The following NBAS variants were observed in gnomAD, a reference collection of about 807,000 sequenced individuals.
The protein encoded by NBAS is NAG/BC035112 fusion.
A neutral mutation model predicts 302.5 loss-of-function variants in NBAS; 219 were observed. That is an observed-to-expected ratio of 0.72 (90% CI 0.65 to 0.81). The LOEUF (loss-of-function observed/expected upper bound fraction) is 0.81, where lower values mean the gene tolerates loss of function less well. Ranked by LOEUF, NBAS falls within the 30% of genes least tolerant of loss-of-function variation. The pLI, the probability that NBAS is intolerant of heterozygous loss-of-function variation, is 0.00. For missense variants in NBAS, 2,932 were observed against 2,841.6 expected (o/e 1.03, Z -0.72); for synonymous variants, 1,118 against 1,021.6 (o/e 1.09, Z -1.80).
At chr2:15,075,732 G>A in the NBAS span, among the ~76,000 whole-genome samples, 3 of 151,056 alleles carry the variant, frequency 2.0e-5, no homozygotes, top group Non-Finnish European at 4.4e-5. Flanking sequence ...GTAGTATGAT[G>A]CCATTTATGT....
At chr2:15,004,498 G>A in the NBAS span, among the ~76,000 whole-genome samples, 1 of 152,170 alleles carries the variant, frequency 6.6e-6, no homozygotes, top group South Asian at 2.1e-4. Context: ...GGTGAGTGAG[G>A]AAAGAGTTAC....
intron 40 of NBAS, among the ~76,000 whole-genome samples, chr2:15,300,244 T>C (rs1670736853): frequency 1.3e-5 from 2 of 152,148 alleles, no homozygotes; most frequent in South Asian, 2.1e-4. Flanking sequence ...AAAGAGAAAA[T>C]GTGAAAAGAC....
At chr2:15,042,525 T>G in the NBAS span, among the ~76,000 whole-genome samples, 1 of 152,208 alleles carries the variant, frequency 6.6e-6, no homozygotes, top group African/African-American at 2.4e-5. Flanking sequence ...ACCAAGGGCT[T>G]AGGTAGAAAT....
chr2:15,461,294 C>T lies in NBAS; in HGVS notation c.2246G>A (p.Gly749Asp), dbSNP rs544578792. The T allele has an allele frequency of 1.2e-6, 2 of 1,613,084 alleles. No homozygotes were observed. The highest frequency in any genetic ancestry group is 3.3e-5 in the Admixed American group (2 of 59,990). Reference sequence around the variant, plus strand: ...AAGGCGATGAGGAAGCAGGTCGGAACCATGGTAAGTAAACAGAATTTCCAG... The same window carrying T: ...AAGGCGATGAGGAAGCAGGTCGGAATCATGGTAAGTAAACAGAATTTCCAG... ...QALEILFTYH[G>D]SDLLPHRLAI... The change falls in exon 21 of 52, where the codon GGT becomes GAT. Residue 749 changes from glycine to aspartate, a missense_variant. Gly to Asp is a moderately conservative substitution (Grantham distance 94). Transcript: ENST00000281513.
chr2:15,538,399 T>C (rs976230148), intron 7 of NBAS: 8 of 422,896 alleles, frequency 1.9e-5, no homozygotes, highest in African/African-American at 1.2e-4. Flanking sequence ...ATTATCTATA[T>C]CATTGGTTTT....
the NBAS span, among the ~76,000 whole-genome samples, chr2:15,002,775 C>A: frequency 1.3e-5 from 2 of 152,218 alleles, no homozygotes; most frequent in African/African-American, 2.4e-5. Context: ...GCTGCTGGGC[C>A]GGGTGCTAAG....
chr2:15,146,263 A>G, the NBAS span, among the ~76,000 whole-genome samples: 1 of 152,108 alleles, frequency 6.6e-6, no homozygotes, highest in Non-Finnish European at 1.5e-5. Flanking sequence ...TAAATAGACT[A>G]TGGTGTTTAA....
intron 11 of NBAS, among the ~76,000 whole-genome samples, chr2:15,501,214 T>A (rs1324441829): frequency 1.3e-5 from 2 of 151,034 alleles, no homozygotes; most frequent in Non-Finnish European, 2.9e-5. Flanking sequence ...GACAGGAGAA[T>A]GGTGTGAACC....
chr2:14,787,019 A>C, the NBAS span, among the ~76,000 whole-genome samples: 1 of 152,172 alleles, frequency 6.6e-6, no homozygotes, highest in African/African-American at 2.4e-5. Flanking sequence ...TATTGGGTGC[A>C]TATATATTTA....
At chr2:14,966,126 G>A in the NBAS span, among the ~76,000 whole-genome samples, 4 of 152,178 alleles carry the variant, frequency 2.6e-5, no homozygotes, top group African/African-American at 9.7e-5. Context: ...GAAGAGACAA[G>A]GAAGGATAAG....
chr2:14,811,878 A>G, the NBAS span, among the ~76,000 whole-genome samples: 83 of 152,342 alleles, frequency 5.4e-4, no homozygotes, highest in South Asian at 1.4e-3. Flanking sequence ...GTTAGGAAAA[A>G]GAATAAACAA....
At chr2:14,955,502 A>G in the NBAS span, among the ~76,000 whole-genome samples, 124 of 151,860 alleles carry the variant, frequency 8.2e-4, no homozygotes, top group Admixed American at 1.9e-3. Context: ...TCCCTTCCAC[A>G]CTGCCCTAGC....
chr2:15,220,727 C>G (rs867486631), intron 47 of NBAS, among the ~76,000 whole-genome samples: 19 of 152,196 alleles, frequency 1.2e-4, no homozygotes, highest in Non-Finnish European at 1.3e-4. Flanking sequence ...GAGATCCATG[C>G]TAAAGCACTG....
intron 44 of NBAS, among the ~76,000 whole-genome samples, chr2:15,245,337 G>A (rs1244122740): frequency 6.6e-6 from 1 of 151,872 alleles, no homozygotes; most frequent in East Asian, 1.9e-4. Flanking sequence ...CACAGTCATC[G>A]GTCTCTCTAC....
intron 29 of NBAS, 29 bp from the exon 30 acceptor site, chr2:15,379,860 T>C (rs767333060): frequency 1.3e-6 from 2 of 1,590,418 alleles, no homozygotes; most frequent in Non-Finnish European, 1.7e-6. Flanking sequence ...TGGAATTAGT[T>C]ATAGAGAGGG....
rs1275825337 is a variant in NBAS at position 15,539,352 on chromosome 2, C to T, written c.384G>A (p.Pro128=). ...GTCTCCACTGGGGTTTCGGGTCTTTCGGAACTAGAACAAAAGAAAACAAGA... is the reference window on the plus strand; with the variant it reads ...GTCTCCACTGGGGTTTCGGGTCTTTTGGAACTAGAACAAAAGAAAACAAGA... ...FTSIIGKCQV[P]KDPKPQWRRV... is the part of the protein sequence containing the mutation. Residue 128 remains proline, a synonymous_variant, in exon 7 of 52, where the codon CCG becomes CCA. Transcript: ENST00000281513. The T allele has an allele frequency of 1.3e-5, 21 of 1,613,998 alleles. No individual in the cohort carries two copies. The highest frequency in any genetic ancestry group is 1.5e-5 in the Non-Finnish European group (18 of 1,180,012).
the NBAS span, among the ~76,000 whole-genome samples, chr2:14,838,376 T>C: frequency 0.51 from 77,072 of 151,782 alleles, 20,303 homozygotes; most frequent in African/African-American, 0.65. Context: ...TTTCAGGCTT[T>C]TCAAAGTTCT....
chr2:15,538,930 T>C (rs1415236454), intron 7 of NBAS, among the ~76,000 whole-genome samples: 1 of 152,218 alleles, frequency 6.6e-6, no homozygotes, highest in Non-Finnish European at 1.5e-5. Context: ...TTGTTCCTGT[T>C]GTGACAGACC....
In NBAS at chr2:15,234,660, C is replaced by T. The variant is rs141843511; in HGVS notation, c.6031G>A (p.Asp2011Asn). The change falls in exon 46 of 52, where the codon GAT becomes AAT. Residue 2011 changes from aspartate to asparagine, a missense_variant. Asp to Asn is a conservative substitution (Grantham distance 23, BLOSUM62 1). Coordinates refer to ENST00000281513, the MANE Select transcript of NBAS (RefSeq NM_015909.4). Reference sequence around the variant, plus strand: ...TGAATCATTGCTAGAGGCTGACCATCTAAACAAATAGCCACAGCTTCATCA... The same window carrying T: ...TGAATCATTGCTAGAGGCTGACCATTTAAACAAATAGCCACAGCTTCATCA... ...LHDEAVAICL[D>N]GQPLAMIQQL... The T allele has an allele frequency of 2.5e-6, 4 of 1,614,048 alleles. No homozygotes were observed. The African/African-American group carries it at 4.0e-5, about 16-fold the overall frequency.
Sources: gnomAD v4.1 joint callset for allele counts (sites outside exome capture counted in the v4.1 genomes callset) on GRCh38, gnomAD v4.1.1 for gene constraint, MANE v1.5 for transcripts, NCBI Gene and HGNC (gene_info 2026-07-23, HGNC 2026-07-21) for gene names.